Variants in C19orf33 observed in about 807,000 individuals in gnomAD.
C19orf33 encodes chromosome 19 open reading frame 33, also known as immortalization up-regulated protein.
In C19orf33, 9 loss-of-function variants were observed where a neutral mutation model predicts 9.7. The ratio of observed to expected loss-of-function variants is 0.93; its 90% confidence interval spans 0.56 to 1.61. C19orf33 has a LOEUF of 1.61. Ranked by LOEUF, C19orf33 falls within the 40% of genes most tolerant of loss-of-function variation. The probability of loss-of-function intolerance (pLI) is 0.00; values close to 1 mark genes in which losing one functional copy is unlikely to be tolerated. For synonymous variants in C19orf33, 61 were observed against 54.8 expected (o/e 1.11, Z -0.50); for missense variants, 145 against 137.9 (o/e 1.05, Z -0.26).
At chr19:38,304,513 G>C (rs1968898048) in intron 2 of C19orf33, 23 bp downstream of exon 2, 9 of 1,562,610 alleles carry the variant, frequency 5.8e-6, no homozygotes, top group Middle Eastern at 1.7e-4. Context: ...ATCACCGGCT[G>C]CGGAGGGGCG....
In C19orf33 at chr19:38,304,910, G is replaced by GAAGAAGAAGGGC. The variant is rs1555718998; in HGVS notation, c.273_274insAAGGGCAAGAAG (p.Lys91_Glu92insLysGlyLysLys). ...GCAAGGCCAAGAAGCCCAAAGTGAAGAAGAAGGAGAAGGGCAAGAAGGAGA... is the reference window on the plus strand; with the variant it reads ...GCAAGGCCAAGAAGCCCAAAGTGAAGAAGAAGAAGGGCAAGAAGGAGAAGGGCAAGAAGGAGA... On this transcript the variant is annotated inframe_insertion, in exon 4 of 4. Transcript: ENST00000301246. 1.3e-6 allele frequency: 2 copies of GAAGAAGAAGGGC among 1,571,340 alleles called. No individual in the cohort carries two copies. The highest frequency in any genetic ancestry group is 1.4e-5 in the African/African-American group (1 of 70,122).
chr19:38,304,807 C>T, intron 3 of C19orf33, 38 bp from the exon 4 acceptor site: 3 of 1,613,552 alleles, frequency 1.9e-6, no homozygotes, highest in East Asian at 2.2e-5. Flanking sequence ...CAGCCCAGAA[C>T]CATCTCTTCT....
Position 38,304,436 on chromosome 19 carries a change from C to A in C19orf33, c.84C>A (p.Leu28=). The A allele has an allele frequency of 6.4e-7, 1 of 1,559,704 alleles. No individual in the cohort carries two copies. Among genetic ancestry groups the A allele is most frequent in the Non-Finnish European group, 8.7e-7 (1 of 1,152,414 alleles). ...VGAGHGGDPK[L]SPHKVQGRSE... ...CGGGCCACGGGGGAGATCCCAAGCTCAGTCCCCACAAAGTTCAGGGCCGGT... is the reference window on the plus strand; with the variant it reads ...CGGGCCACGGGGGAGATCCCAAGCTAAGTCCCCACAAAGTTCAGGGCCGGT... Residue 28 remains leucine, a synonymous_variant, in exon 2 of 4, where the codon CTC becomes CTA. Coordinates refer to ENST00000301246, the MANE Select transcript of C19orf33 (RefSeq NM_033520.3).
At position 38,304,882 on chromosome 19, in the gene C19orf33, C is replaced by T. The variant is rs749749901; in HGVS notation, c.239C>T (p.Pro80Leu). ...GGCTCCAAGCAGCACGAGAGCATCC[C>T]GGGCAAGGCCAAGAAGCCCAAAGTG... Reference protein sequence around the residue: ...AAGSKQHESIPGKAKKPKVKK... With the variant: ...AAGSKQHESILGKAKKPKVKK... Residue 80 changes from proline to leucine, a missense_variant, in exon 4 of 4, where the codon CCG (proline) becomes CTG (leucine). Coordinates refer to ENST00000301246, the MANE Select transcript of C19orf33 (RefSeq NM_033520.3). 26 of 1,613,006 alleles carry T rather than the reference C, an allele frequency of 1.6e-5. No homozygotes were observed. The highest frequency in any genetic ancestry group is 2.1e-5 in the Non-Finnish European group (25 of 1,179,846).
In C19orf33 at chr19:38,304,613, C is replaced by A; in HGVS notation, c.139-11C>A. On this transcript the variant is annotated splice_polypyrimidine_tract_variant and intron_variant, in intron 2 of 3. Transcript: ENST00000301246. The stretch of plus-strand genomic sequence containing the variant: ...TAAGGGGCGCCGCCTCACTGCCGCA[C>A]CTCCATCCAGCAAGGACACCACAGC... The A allele has an allele frequency of 1.2e-6, 2 of 1,613,424 alleles. No individual in the cohort carries two copies. Among genetic ancestry groups the A allele is most frequent in the African/African-American group, 2.7e-5 (2 of 75,054 alleles).
At chr19:38,304,777 T>C (rs1018693431) in intron 3 of C19orf33, 68 bp from the exon 4 acceptor site, 1 of 1,610,166 alleles carries the variant, frequency 6.2e-7, no homozygotes, top group Admixed American at 1.7e-5. Context: ...GTGCGGGGAG[T>C]GGTCCCCCTG....
Position 38,304,475 on chromosome 19 carries a change from A to AGGTCCG in C19orf33, c.129_134dup (p.Gly44_Pro45dup). ...TTCAGGGCCGGTCGGAGGCAGGGGC[A>AGGTCCG]GGTCCGGGTCCAAAGGTAAGTCGCC... is the stretch of plus-strand genomic sequence containing the variant. On this transcript the variant is annotated inframe_insertion, in exon 2 of 4. Coordinates refer to ENST00000301246, the MANE Select transcript of C19orf33 (RefSeq NM_033520.3). The AGGTCCG allele has an allele frequency of 3.2e-6, 5 of 1,555,558 alleles. No individual in the cohort carries two copies. The highest frequency in any genetic ancestry group is 4.3e-6 in the Non-Finnish European group (5 of 1,149,954).
At chr19:38,304,714 G>T (rs975846849) in intron 3 of C19orf33, 28 bp downstream of exon 3, 2 of 1,613,600 alleles carry the variant, frequency 1.2e-6, no homozygotes, top group African/African-American at 2.7e-5. Flanking sequence ...GCGTCCCCAA[G>T]CACGTGCCCT....
In C19orf33 at chr19:38,304,424, A is replaced by G. The variant is rs771859056; in HGVS notation, c.72A>G (p.Gly24=). The change falls in exon 2 of 4, where the codon GGA becomes GGG. Residue 24 remains glycine (G), a synonymous_variant. Coordinates refer to ENST00000301246, the MANE Select transcript of C19orf33 (RefSeq NM_033520.3). The stretch of plus-strand genomic sequence containing the variant: ...CCGGTGTGGGGGCGGGCCACGGGGG[A>G]GATCCCAAGCTCAGTCCCCACAAAG... ...QKPGVGAGHG[G]DPKLSPHKVQ... 6.4e-7 allele frequency: 1 copy of G among 1,561,322 alleles called. No homozygotes were observed. The highest frequency in any genetic ancestry group is 1.2e-5 in the South Asian group (1 of 85,266).
At chr19:38,304,552 G>A (rs755059362) in intron 2 of C19orf33, 62 bp downstream of exon 2, 1 of 1,596,746 alleles carries the variant, frequency 6.3e-7, no homozygotes, top group Non-Finnish European at 8.5e-7. Flanking sequence ...CTGACCCCAG[G>A]GTCCTGCCTT....
At position 38,304,361 on chromosome 19, in the gene C19orf33, ACTT is replaced by A. The variant is rs1968888259; in HGVS notation, c.23-11_23-9del. 6.9e-6 allele frequency: 11 copies of A among 1,600,548 alleles called. No homozygotes were observed. The highest frequency in any genetic ancestry group is 1.3e-5 in the African/African-American group (1 of 74,834). On this transcript the variant is annotated splice_polypyrimidine_tract_variant and intron_variant, in intron 1 of 3. Coordinates refer to ENST00000301246, the MANE Select transcript of C19orf33 (RefSeq NM_033520.3). Reference sequence around the variant, plus strand: ...AGAAGCTGCCTGCACCAACCACCCAACTTCTCTCCACAGCCCTGGAGCCCACCT... The same window carrying A: ...AGAAGCTGCCTGCACCAACCACCCAACTCTCCACAGCCCTGGAGCCCACCT...
At position 38,304,497 on chromosome 19, in the gene C19orf33, C is replaced by A. The variant is rs767896823; in HGVS notation, c.138+7C>A. ...GGCAGGTCCGGGTCCAAAGGTAAGT[C>A]GCCTCATCACCGGCTGCGGAGGGGC... On this transcript the variant is annotated splice_region_variant and intron_variant, in intron 2 of 3. Transcript: ENST00000301246. 44 of 1,557,376 alleles carry A rather than the reference C, an allele frequency of 2.8e-5. No individual in the cohort carries two copies. Among genetic ancestry groups the A allele is most frequent in the Non-Finnish European group, 3.6e-5 (42 of 1,150,884 alleles).
Position 38,304,885 on chromosome 19 carries a change from G to C in C19orf33, c.242G>C (p.Gly81Ala). The change falls in exon 4 of 4, where the codon GGC (glycine) becomes GCC (alanine). Residue 81 changes from glycine (G) to alanine (A), a missense_variant. By Grantham distance (60) the Gly-to-Ala change is moderately conservative. Transcript: ENST00000301246. ...TCCAAGCAGCACGAGAGCATCCCGG[G>C]CAAGGCCAAGAAGCCCAAAGTGAAG... ...AGSKQHESIP[G>A]KAKKPKVKKK... 1 of 1,610,672 alleles carries C rather than the reference G, an allele frequency of 6.2e-7. No individual in the cohort carries two copies. Among genetic ancestry groups the C allele is most frequent in the Non-Finnish European group, 8.5e-7 (1 of 1,178,268 alleles).
intron 2 of C19orf33, 66 bp downstream of exon 2, chr19:38,304,556 C>G: frequency 6.2e-7 from 1 of 1,600,218 alleles, no homozygotes; most frequent in Non-Finnish European, 8.5e-7. Flanking sequence ...CCCCAGGGTC[C>G]TGCCTTAGGC....
Position 38,304,914 on chromosome 19 carries a change from AAGG to A in C19orf33, c.274_276del (p.Glu92del), listed in dbSNP as rs201239475. 1.6e-3 allele frequency: 2,416 copies of A among 1,558,506 alleles called. 36 individuals carry two copies. The African/African-American group carries it at 0.028, about 18-fold the overall frequency. On this transcript the variant is annotated inframe_deletion, in exon 4 of 4. Coordinates refer to ENST00000301246, the MANE Select transcript of C19orf33 (RefSeq NM_033520.3). ...GGCCAAGAAGCCCAAAGTGAAGAAG[AAGG>A]AGAAGGGCAAGAAGGAGAAGGGCAA...
In C19orf33 at chr19:38,304,850, C is replaced by T. The variant is rs1196226004; in HGVS notation, c.207C>T (p.His69=). Residue 69 remains histidine, a synonymous_variant, in exon 4 of 4, where the codon CAC becomes CAT. Coordinates refer to ENST00000301246, the MANE Select transcript of C19orf33 (RefSeq NM_033520.3). ...SSDSDTDVKS[H]AAGSKQHESI... Reference sequence around the variant, plus strand: ...CCCTGCCCTCGGCCCCACAGTCCCACGCTGCTGGCTCCAAGCAGCACGAGA... The same window carrying T: ...CCCTGCCCTCGGCCCCACAGTCCCATGCTGCTGGCTCCAAGCAGCACGAGA... 5 of 1,613,736 alleles carry T rather than the reference C, an allele frequency of 3.1e-6. No individual in the cohort carries two copies. The highest frequency in any genetic ancestry group is 1.1e-5 in the South Asian group (1 of 91,078).
chr19:38,304,258 C>T lies in C19orf33; in HGVS notation c.-4C>T. On this transcript the variant is annotated 5_prime_UTR_variant, in exon 1 of 4. Coordinates refer to ENST00000301246, the MANE Select transcript of C19orf33 (RefSeq NM_033520.3). Reference sequence around the variant, plus strand: ...GGCCTTAGGACCCAACTTCTCTTACCGCCATGGAGTTCGACCTGGGAGCAG... The same window carrying T: ...GGCCTTAGGACCCAACTTCTCTTACTGCCATGGAGTTCGACCTGGGAGCAG... 1.2e-6 allele frequency: 2 copies of T among 1,613,702 alleles called. No homozygotes were observed. Among genetic ancestry groups the T allele is most frequent in the Admixed American group, 1.7e-5 (1 of 60,016 alleles).
rs758991899 is a variant in C19orf33 at position 38,304,457 on chromosome 19, C to G, written c.105C>G (p.Gly35=). The G allele has an allele frequency of 1.4e-5, 22 of 1,556,232 alleles. No individual in the cohort carries two copies. Among genetic ancestry groups the G allele is most frequent in the Non-Finnish European group, 1.7e-5 (20 of 1,150,608 alleles). Residue 35 remains glycine (G), a synonymous_variant, in exon 2 of 4, where the codon GGC becomes GGG. Coordinates refer to ENST00000301246, the MANE Select transcript of C19orf33 (RefSeq NM_033520.3). The part of the protein sequence containing the change: ...DPKLSPHKVQ[G]RSEAGAGPGP... Reference sequence around the variant, plus strand: ...AGCTCAGTCCCCACAAAGTTCAGGGCCGGTCGGAGGCAGGGGCAGGTCCGG... The same window carrying G: ...AGCTCAGTCCCCACAAAGTTCAGGGGCGGTCGGAGGCAGGGGCAGGTCCGG...
At chr19:38,304,531 T>C in intron 2 of C19orf33, 41 bp downstream of exon 2, 1 of 1,575,020 alleles carries the variant, frequency 6.3e-7, no homozygotes, top group South Asian at 1.1e-5. Flanking sequence ...GCGGGAAGGC[T>C]GGGGTTGCCC....
Sources: allele counts gnomAD v4.1 joint callset, GRCh38; gene constraint gnomAD v4.1.1; transcripts MANE v1.5; gene names NCBI Gene and HGNC (gene_info 2026-07-23, HGNC 2026-07-21).